The following SNX10 variants were observed in gnomAD, a reference collection of about 807,000 sequenced individuals.
SNX10 encodes sorting nexin 10.
SNX10 carries 25 observed loss-of-function variants against 28.5 expected under a neutral mutation model. That is an observed-to-expected ratio of 0.88 (90% CI 0.64 to 1.22). The LOEUF is 1.22. Ranked by LOEUF, SNX10 falls within the 50% of genes most tolerant of loss-of-function variation. The pLI is 0.00. For synonymous variants in SNX10, 62 were observed against 81.4 expected, an observed-to-expected ratio of 0.76 and a Z score of 1.28; for missense variants, 223 against 242.6, an observed-to-expected ratio of 0.92 and a Z score of 0.54.
At chr7:26,350,320 A>G (rs1001558288) in intron 2 of SNX10, among the ~76,000 whole-genome samples, 27 of 152,174 alleles carry the variant, frequency 1.8e-4, no homozygotes, top group Non-Finnish European at 3.7e-4. Flanking sequence ...ACAAACCATG[A>G]GGACCCCACC....
chr7:26,328,282 G>C (rs568990518), intron 1 of SNX10, among the ~76,000 whole-genome samples: 46 of 152,248 alleles, frequency 3.0e-4, no homozygotes, highest in Non-Finnish European at 6.3e-4. Context: ...TCTTGCTTGA[G>C]CCACCGTGTG....
At position 26,316,418 on chromosome 7, in the gene SNX10, A is replaced by G. The variant is rs1207628032; in HGVS notation, c.-24+24332A>G. 7.0e-4 allele frequency among the ~76,000 whole-genome samples: 106 copies of G among 152,188 alleles called. 2 individuals are homozygous for G. Among genetic ancestry groups the G allele is most frequent in the Admixed American group, 6.9e-3 (106 of 15,276 alleles). Reference sequence around the variant, plus strand: ...ACCGTAATGGGTTTGCCTTGCATTAAGTAACCAGAGGGAAAGAAAGCACCT... The same window carrying G: ...ACCGTAATGGGTTTGCCTTGCATTAGGTAACCAGAGGGAAAGAAAGCACCT... On this transcript the variant is annotated intron_variant, in intron 1 of 6. Transcript: ENST00000338523.
chr7:26,348,002 A>G (rs1562810228), intron 2 of SNX10, among the ~76,000 whole-genome samples: 1 of 152,160 alleles, frequency 6.6e-6, no homozygotes, highest in Non-Finnish European at 1.5e-5. Flanking sequence ...TTGGTCTCGA[A>G]CTTCTGGCTT....
chr7:26,319,797 A>G (rs1448103725), intron 1 of SNX10, among the ~76,000 whole-genome samples: 1 of 151,916 alleles, frequency 6.6e-6, no homozygotes, highest in Non-Finnish European at 1.5e-5. Context: ...GGCGGGGGGG[A>G]AATGACAAAA....
chr7:26,311,117 C>T (rs908576089), intron 1 of SNX10, among the ~76,000 whole-genome samples: 1 of 152,064 alleles, frequency 6.6e-6, no homozygotes, highest in South Asian at 2.1e-4. Context: ...ACCCCGTTAT[C>T]TGGGACAGTG....
At chr7:26,323,894 A>C (rs1283724680) in intron 1 of SNX10, among the ~76,000 whole-genome samples, 13 of 152,190 alleles carry the variant, frequency 8.5e-5, no homozygotes, top group Admixed American at 7.2e-4. Context: ...GCCTGAAGCA[A>C]ATCAGTGCTC....
chr7:26,297,295 C>T (rs559007539), intron 1 of SNX10, among the ~76,000 whole-genome samples: 10 of 152,220 alleles, frequency 6.6e-5, no homozygotes, highest in South Asian at 2.1e-4. Context: ...AGGGTTTCAC[C>T]GTCTTGGCCA....
At chr7:26,332,495 A>G (rs1787785423) in intron 1 of SNX10, among the ~76,000 whole-genome samples, 1 of 152,224 alleles carries the variant, frequency 6.6e-6, no homozygotes, top group South Asian at 2.1e-4. Context: ...CCTTAGATAT[A>G]TGATATGCAA....
chr7:26,308,292 G>T (rs1013271799), intron 1 of SNX10, among the ~76,000 whole-genome samples: 1 of 152,074 alleles, frequency 6.6e-6, no homozygotes, highest in Non-Finnish European at 1.5e-5. Context: ...GACTTACCTT[G>T]TCTGATTGTA....
chr7:26,309,756 G>A (rs149243837), intron 1 of SNX10, among the ~76,000 whole-genome samples: 14 of 152,262 alleles, frequency 9.2e-5, no homozygotes, highest in African/African-American at 3.4e-4. Context: ...CCTGTTGGAT[G>A]TAGGGGTACC....
chr7:26,295,692 C>T (rs187214406), intron 1 of SNX10, among the ~76,000 whole-genome samples: 6 of 152,336 alleles, frequency 3.9e-5, no homozygotes, highest in Admixed American at 3.9e-4. Flanking sequence ...ACCCCCAGCT[C>T]TCTCACCAAG....
At chr7:26,347,870 A>T (rs573530177) in intron 2 of SNX10, among the ~76,000 whole-genome samples, 16 of 152,258 alleles carry the variant, frequency 1.1e-4, no homozygotes, top group African/African-American at 3.9e-4. Context: ...CACAAAAAAC[A>T]AAAAAATTGG....
chr7:26,353,437 C>CT (rs11386172), intron 2 of SNX10, among the ~76,000 whole-genome samples: 4,604 of 74,422 alleles, frequency 0.062, 246 homozygotes, highest in East Asian at 0.087. Context: ...CTGGTAAATG[C>CT]TTTTTTTTTT....
At chr7:26,318,554 G>A (rs543391234) in intron 1 of SNX10, among the ~76,000 whole-genome samples, 1 of 152,200 alleles carries the variant, frequency 6.6e-6, no homozygotes, top group South Asian at 2.1e-4. Flanking sequence ...TGCAATCTCT[G>A]CCTCCTGGGC....
At chr7:26,306,421 T>TC (rs1786595873) in intron 1 of SNX10, among the ~76,000 whole-genome samples, 1 of 151,778 alleles carries the variant, frequency 6.6e-6, no homozygotes, top group South Asian at 2.1e-4. Flanking sequence ...AATTTTTTTT[T>TC]TTTTTTTTGA....
intron 1 of SNX10, among the ~76,000 whole-genome samples, chr7:26,299,502 C>T (rs945346767): frequency 6.6e-6 from 1 of 151,190 alleles, no homozygotes; most frequent in Admixed American, 6.6e-5. Context: ...TTTTTTTCAG[C>T]TCACTGCGAC....
intron 2 of SNX10, among the ~76,000 whole-genome samples, chr7:26,347,918 A>G (rs1347192230): frequency 1.3e-5 from 2 of 149,658 alleles, no homozygotes; most frequent in Non-Finnish European, 1.5e-5. Context: ...AAGTGTTCCA[A>G]TCTTATGTAT....
chr7:26,356,307 CA>C (rs1167232013), intron 2 of SNX10, among the ~76,000 whole-genome samples: 2 of 152,122 alleles, frequency 1.3e-5, no homozygotes, highest in Non-Finnish European at 2.9e-5. Flanking sequence ...TCATTAGGCC[CA>C]AGAAGTCATT....
intron 1 of SNX10, among the ~76,000 whole-genome samples, chr7:26,306,183 C>T (rs1482686780): frequency 2.6e-5 from 4 of 151,814 alleles, no homozygotes; most frequent in African/African-American, 4.8e-5. Context: ...GGATTGCAGA[C>T]GTGACCCACT....
Sources: gnomAD v4.1 joint callset for allele counts (sites outside exome capture counted in the v4.1 genomes callset) on GRCh38, gnomAD v4.1.1 for gene constraint, MANE v1.5 for transcripts, NCBI Gene and HGNC (gene_info 2026-07-23, HGNC 2026-07-21) for gene names.